SDC2: variants seen among roughly 807,000 people sequenced by gnomAD.
The protein encoded by SDC2 is syndecan-2.
Under a neutral mutation model 22.2 loss-of-function variants are expected in SDC2, and 13 were observed. That is an observed-to-expected ratio of 0.59 (90% CI 0.38 to 0.93). The LOEUF is 0.93. Ranked by LOEUF, SDC2 falls within the 40% of genes least tolerant of loss-of-function variation. The pLI is 0.00. For synonymous variants in SDC2, 94 were observed against 92.8 expected, an observed-to-expected ratio of 1.01 and a Z score of -0.07; for missense variants, 235 against 246.8, an observed-to-expected ratio of 0.95 and a Z score of 0.32.
intron 1 of SDC2, among the ~76,000 whole-genome samples, chr8:96,504,824 G>A (rs376892751): frequency 8.1e-4 from 123 of 152,164 alleles, no homozygotes; most frequent in African/African-American, 2.7e-3. Context: ...GAGCAACAAG[G>A]CTGTTTATTT....
chr8:96,585,853 GTT>G (rs199970598), intron 1 of SDC2, among the ~76,000 whole-genome samples: 44 of 145,462 alleles, frequency 3.0e-4, no homozygotes, highest in Middle Eastern at 3.5e-3. Flanking sequence ...CTGGCAAGAG[GTT>G]TTTTTTTTTT....
intron 1 of SDC2, among the ~76,000 whole-genome samples, chr8:96,574,902 G>A (rs1814460623): frequency 6.6e-6 from 1 of 152,172 alleles, no homozygotes; most frequent in Non-Finnish European, 1.5e-5. Context: ...GGCAGGGGTG[G>A]GGGATGGTTT....
In SDC2 at chr8:96,593,569, C is replaced by T; in HGVS notation, c.150C>T (p.Asp50=). ...ASGVYPIDDD[D]YASASGSGAD... ...GAGTGTATCCTATTGATGACGATGACTACGCTTCTGCGTCTGGCTCGGGTA... is the reference window on the plus strand; with the variant it reads ...GAGTGTATCCTATTGATGACGATGATTACGCTTCTGCGTCTGGCTCGGGTA... Residue 50 remains aspartate, a synonymous_variant, in exon 2 of 5, where the codon GAC becomes GAT. Coordinates refer to ENST00000302190, the MANE Select transcript of SDC2 (RefSeq NM_002998.4). The T allele has an allele frequency of 6.2e-7, 1 of 1,613,206 alleles. No homozygotes were observed. Among genetic ancestry groups the T allele is most frequent in the Non-Finnish European group, 8.5e-7 (1 of 1,179,178 alleles).
At chr8:96,520,363 T>C (rs951903115) in intron 1 of SDC2, among the ~76,000 whole-genome samples, 2 of 152,224 alleles carry the variant, frequency 1.3e-5, no homozygotes. Flanking sequence ...TCTATACATT[T>C]AGCAGTTTCT....
At chr8:96,497,523 G>A (rs1813094589) in intron 1 of SDC2, among the ~76,000 whole-genome samples, 1 of 152,174 alleles carries the variant, frequency 6.6e-6, no homozygotes, top group Admixed American at 6.6e-5. Flanking sequence ...TGTGTAATAT[G>A]ATCACTTAAA....
intron 1 of SDC2, among the ~76,000 whole-genome samples, chr8:96,542,999 G>T (rs983145270): frequency 1.3e-5 from 2 of 152,172 alleles, no homozygotes; most frequent in Non-Finnish European, 2.9e-5. Context: ...GGGAACTTAG[G>T]CAGGCTGCTG....
intron 1 of SDC2, among the ~76,000 whole-genome samples, chr8:96,558,100 TTGG>T (rs1336110799): frequency 6.6e-6 from 1 of 152,150 alleles, no homozygotes; most frequent in African/African-American, 2.4e-5. Flanking sequence ...CATTCTGTTC[TTGG>T]TGGTTGAGAA....
At position 96,576,379 on chromosome 8, in the gene SDC2, G is replaced by GTTTTTTTTTTTTTTTTTTTTT. The variant is rs1365620450; in HGVS notation, c.61-17097_61-17096insTTTTTTTTTTTTTTTTTTTTT. On this transcript the variant is annotated intron_variant, in intron 1 of 4. Transcript: ENST00000302190. Reference sequence around the variant, plus strand: ...ATAATTGGTAGTTTGTTTTTGTTTTGTTTTGTTTTTTTTTACCAGATTTGC... The same window carrying GTTTTTTTTTTTTTTTTTTTTT: ...ATAATTGGTAGTTTGTTTTTGTTTTGTTTTTTTTTTTTTTTTTTTTTTTTTGTTTTTTTTTACCAGATTTGC... 6.3e-5 allele frequency among the ~76,000 whole-genome samples: 3 copies of GTTTTTTTTTTTTTTTTTTTTT among 47,570 alleles called. 1 individual carries two copies. Among genetic ancestry groups the GTTTTTTTTTTTTTTTTTTTTT allele is most frequent in the East Asian group, 9.0e-4 (2 of 2,234 alleles). The allele number at this position is 47,570 out of a possible 152,430, so 31.2% of individuals were successfully genotyped here. A position where few individuals can be genotyped will look rare whatever the true frequency, so the allele number is the denominator to read the frequency against.
intron 1 of SDC2, among the ~76,000 whole-genome samples, chr8:96,533,735 T>G (rs2130492197): frequency 6.6e-6 from 1 of 151,826 alleles, no homozygotes; most frequent in African/African-American, 2.4e-5. Flanking sequence ...TAGCTAGACA[T>G]AAAGGTTCTC....
At chr8:96,571,337 G>A (rs1814391151) in intron 1 of SDC2, among the ~76,000 whole-genome samples, 1 of 152,194 alleles carries the variant, frequency 6.6e-6, no homozygotes, top group Non-Finnish European at 1.5e-5. Context: ...CTGGAGTGGG[G>A]AAAGTGTGTA....
At position 96,593,513 on chromosome 8, in the gene SDC2, C is replaced by T; in HGVS notation, c.94C>T (p.Leu32Phe). 3 of 1,613,832 alleles carry T rather than the reference C, an allele frequency of 1.9e-6. No homozygotes were observed. Among genetic ancestry groups the T allele is most frequent in the Non-Finnish European group, 2.5e-6 (3 of 1,179,728 alleles). Residue 32 changes from leucine to phenylalanine, a missense_variant, in exon 2 of 5, where the codon CTT becomes TTT. By Grantham distance (22) the Leu-to-Phe change is conservative (BLOSUM62 0). Coordinates refer to ENST00000302190, the MANE Select transcript of SDC2 (RefSeq NM_002998.4). ...GCTGACATCTGATAAAGACATGTAC[C>T]TTGACAACAGCTCCATTGAAGAAGC... Reference protein sequence around the residue: ...AELTSDKDMYLDNSSIEEASG... With the variant: ...AELTSDKDMYFDNSSIEEASG...
At chr8:96,560,744 A>G (rs1814195676) in intron 1 of SDC2, among the ~76,000 whole-genome samples, 1 of 152,160 alleles carries the variant, frequency 6.6e-6, no homozygotes, top group Non-Finnish European at 1.5e-5. Context: ...AAAAAAAATC[A>G]AGAGGTTCAT....
chr8:96,531,148 T>C (rs896486898), intron 1 of SDC2, among the ~76,000 whole-genome samples: 4 of 152,234 alleles, frequency 2.6e-5, no homozygotes, highest in African/African-American at 9.6e-5. Context: ...ATGAGACACA[T>C]CTGCATTTAC....
intron 1 of SDC2, among the ~76,000 whole-genome samples, chr8:96,524,497 T>C (rs779143331): frequency 1.2e-4 from 19 of 152,160 alleles, no homozygotes; most frequent in Non-Finnish European, 1.9e-4. Context: ...ATTTCAGTTA[T>C]ATATTCCAGT....
chr8:96,504,061 A>G (rs1813204068), intron 1 of SDC2, among the ~76,000 whole-genome samples: 1 of 152,248 alleles, frequency 6.6e-6, no homozygotes, highest in Non-Finnish European at 1.5e-5. Context: ...AGGTATTAAC[A>G]GTTTAAGGGA....
intron 3 of SDC2, 72 bp from the exon 4 acceptor site, chr8:96,608,263 A>G (rs1815117033): frequency 6.8e-7 from 1 of 1,476,794 alleles, no homozygotes; most frequent in African/African-American, 1.4e-5. Context: ...TTTGGAATAT[A>G]CTCATCTATT....
intron 1 of SDC2, 129 bp from the exon 2 acceptor site, chr8:96,593,351 A>C: frequency 3.2e-6 from 2 of 629,034 alleles, no homozygotes; most frequent in Non-Finnish European, 5.6e-6. Flanking sequence ...GACTGTGGCC[A>C]GAGATGTGGA....
At chr8:96,593,012 T>A (rs188939690) in intron 1 of SDC2, among the ~76,000 whole-genome samples, 1 of 152,328 alleles carries the variant, frequency 6.6e-6, no homozygotes, top group East Asian at 1.9e-4. Context: ...CTGCAAGCAC[T>A]GGTAGGATTT....
chr8:96,609,675 A>G lies in SDC2; in HGVS notation c.*127A>G. 1.8e-6 allele frequency: 1 copy of G among 569,468 alleles called. No homozygotes were observed. The highest frequency in any genetic ancestry group is 4.0e-5 in the Admixed American group (1 of 25,278). 35.3% of individuals were successfully genotyped at this position (569,468 alleles called of 1,614,324 possible). Reference sequence around the variant, plus strand: ...GCCATTCTGGCACTTTAATGATAAAATCCCATTGTATTTAAAACATTTCAT... The same window carrying G: ...GCCATTCTGGCACTTTAATGATAAAGTCCCATTGTATTTAAAACATTTCAT... On this transcript the variant is annotated 3_prime_UTR_variant, in exon 5 of 5. Transcript: ENST00000302190.
Sources: gnomAD v4.1 joint callset for allele counts (sites outside exome capture counted in the v4.1 genomes callset) on GRCh38, gnomAD v4.1.1 for gene constraint, MANE v1.5 for transcripts, NCBI Gene and HGNC (gene_info 2026-07-23, HGNC 2026-07-21) for gene names.